Variants in ABR observed in about 807,000 individuals in gnomAD.
ABR encodes the protein ABR activator of RhoGEF and GTPase.
A neutral mutation model predicts 107.2 loss-of-function variants in ABR; 35 were observed. The ratio of observed to expected loss-of-function variants is 0.33; its 90% CI spans 0.25 to 0.43. ABR has a LOEUF of 0.43. Ranked by LOEUF, ABR falls within the 20% of genes least tolerant of loss-of-function variation. ABR has a pLI of 1.00. For synonymous variants in ABR, 498 were observed against 462.0 expected (o/e 1.08, Z -1.00); for missense variants, 815 against 1,115.2 (o/e 0.73, Z 3.83).
At position 1,203,339 on chromosome 17, in the gene ABR, GCGGGGAGGAGC is replaced by G; in HGVS notation, c.838+25443_838+25453del. Among the ~76,000 whole-genome samples, 3 of 147,674 alleles carry G rather than the reference GCGGGGAGGAGC, an allele frequency of 2.0e-5. 1 individual carries two copies. The South Asian group carries it at 6.6e-4, about 32-fold the overall frequency. On this transcript the variant is annotated intron_variant, in intron 1 of 22. Transcript: ENST00000574139. ...GCGGAGTCCATGGGGGGCGGGGTCCGCGGGGAGGAGCCTGCGGGGCGGTCCCCCGTGGGGGC... is the reference window on the plus strand; with the variant it reads ...GCGGAGTCCATGGGGGGCGGGGTCCGCTGCGGGGCGGTCCCCCGTGGGGGC...
chr17:1,050,639 G>A lies in ABR; in HGVS notation c.1562-5C>T, dbSNP rs767092817. 1.2e-6 allele frequency: 2 copies of A among 1,612,584 alleles called. No homozygotes were observed. Among genetic ancestry groups the A allele is most frequent in the Non-Finnish European group, 1.7e-6 (2 of 1,178,866 alleles). On this transcript the variant is annotated splice_polypyrimidine_tract_variant and splice_region_variant and intron_variant, in intron 14 of 22. Coordinates refer to ENST00000302538, the MANE Select transcript of ABR (RefSeq NM_021962.5). This position sits in a 1 kb window ranked among gnomAD's most constrained non-coding sequence, Gnocchi z 4.6. ...CCTCCAGGGTACAGTACAGGTCTGT[G>A]GGGGAAGGACAGACGGAGATACTGA...
At chr17:1,116,625 CGGGA>C (rs2038999280) in intron 2 of ABR, among the ~76,000 whole-genome samples, 1 of 152,158 alleles carries the variant, frequency 6.6e-6, no homozygotes, top group East Asian at 1.9e-4. Flanking sequence ...CCAGCGATGA[CGGGA>C]CCCAGGGTCA....
chr17:1,225,083 A>G (rs1304789983), intron 1 of ABR, among the ~76,000 whole-genome samples: 1 of 148,848 alleles, frequency 6.7e-6, no homozygotes, highest in African/African-American at 2.5e-5. Context: ...CAGGAGGCAG[A>G]GCTTGCAGGG....
chr17:1,161,335 G>A (rs1252379116), intron 1 of ABR, among the ~76,000 whole-genome samples: 1 of 151,738 alleles, frequency 6.6e-6, no homozygotes, highest in Non-Finnish European at 1.5e-5. Flanking sequence ...TCAAACTCCT[G>A]GGCTCACATG....
At chr17:1,072,903 G>T in intron 7 of ABR, 149 bp from the exon 8 acceptor site, 1 of 1,136,856 alleles carries the variant, frequency 8.8e-7, no homozygotes, top group Non-Finnish European at 1.2e-6. Flanking sequence ...GAGTCAGGCC[G>T]GGCACGGCGG....
In ABR at chr17:1,078,390, T is replaced by G. The variant is rs1180533771; in HGVS notation, c.700+940A>C. On this transcript the variant is annotated intron_variant, in intron 6 of 22. Coordinates refer to ENST00000302538, the MANE Select transcript of ABR (RefSeq NM_021962.5). The surrounding 1 kb of genome is among the most constrained non-coding windows in gnomAD (Gnocchi z 7.5). ...CTCCCTCTGGCTCGCGCTGGCACCC[T>G]CTCGGCTGGCAACGCCGCCGTCCGG... 1.3e-5 allele frequency among the ~76,000 whole-genome samples: 2 copies of G among 152,098 alleles called. No homozygotes were observed. The highest frequency in any genetic ancestry group is 2.9e-5 in the Non-Finnish European group (2 of 68,014).
intron 1 of ABR, among the ~76,000 whole-genome samples, chr17:1,152,859 C>A (rs1450751853): frequency 7.9e-5 from 12 of 151,302 alleles, no homozygotes; most frequent in Admixed American, 7.9e-4. Context: ...TTTGGGAGGC[C>A]AAGGTGGGTG....
intron 1 of ABR, among the ~76,000 whole-genome samples, chr17:1,168,210 C>T (rs62070487): frequency 0.2 from 31,007 of 152,038 alleles, 3,915 homozygotes; most frequent in Non-Finnish European, 0.29. Context: ...CACTGGAACC[C>T]GGGAGGTGGA....
At chr17:1,174,894 G>A (rs150791674) in intron 1 of ABR, among the ~76,000 whole-genome samples, 35 of 152,178 alleles carry the variant, frequency 2.3e-4, no homozygotes, top group African/African-American at 8.4e-4. Context: ...ACCTGCCTGG[G>A]GCACACGTAT....
chr17:1,202,898 T>TG (rs979626095), intron 1 of ABR, among the ~76,000 whole-genome samples: 19 of 151,022 alleles, frequency 1.3e-4, no homozygotes, highest in Non-Finnish European at 7.4e-5. Flanking sequence ...ACTTTTTTTT[T>TG]TTTTTTAAGA....
chr17:1,166,437 T>C (rs1039168983), intron 1 of ABR, among the ~76,000 whole-genome samples: 11 of 152,062 alleles, frequency 7.2e-5, no homozygotes, highest in Non-Finnish European at 1.3e-4. Flanking sequence ...CACCACACTA[T>C]GAATGGGCGA....
intron 10 of ABR, among the ~76,000 whole-genome samples, chr17:1,060,040 G>A (rs1447288798): frequency 2.0e-5 from 3 of 152,226 alleles, no homozygotes; most frequent in African/African-American, 4.8e-5. Flanking sequence ...TGCTAAGAGC[G>A]AAGAATCAGA....
In ABR at chr17:1,006,174, G is replaced by A; in HGVS notation, c.2491-5C>T. On this transcript the variant is annotated splice_region_variant and splice_polypyrimidine_tract_variant and intron_variant, in intron 22 of 22. Coordinates refer to ENST00000302538, the MANE Select transcript of ABR (RefSeq NM_021962.5). ...GTAGTAGAGGAGGACCTGGACCTGTGGGGAGACAGGAAGGCGGAGGCTGGG... is the reference window on the plus strand; with the variant it reads ...GTAGTAGAGGAGGACCTGGACCTGTAGGGAGACAGGAAGGCGGAGGCTGGG... 1 of 1,570,758 alleles carries A rather than the reference G, an allele frequency of 6.4e-7. No individual in the cohort carries two copies. The highest frequency in any genetic ancestry group is 1.2e-5 in the South Asian group (1 of 85,562).
At chr17:1,055,922 GC>G in intron 14 of ABR, 112 bp downstream of exon 14, 1 of 993,282 alleles carries the variant, frequency 1.0e-6, no homozygotes. Flanking sequence ...CTGGTTTCTG[GC>G]CTCCAGGGGA....
intron 10 of ABR, among the ~76,000 whole-genome samples, chr17:1,060,862 G>T (rs536336485): frequency 6.6e-6 from 1 of 152,070 alleles, no homozygotes; most frequent in African/African-American, 2.4e-5. Context: ...CGTGGTGGCG[G>T]ACGCCTTTAT....
chr17:1,050,151 A>G lies in ABR; in HGVS notation c.1690T>C (p.Ser564Pro), dbSNP rs1392343056. The change falls in exon 16 of 23, where the codon TCC (serine) becomes CCC (proline). Residue 564 changes from serine (S) to proline (P), a missense_variant. Physicochemically the swap from Ser to Pro is moderately conservative, Grantham distance 74 (BLOSUM62 -1). Transcript: ENST00000302538. This position sits in a 1 kb window ranked among gnomAD's most constrained non-coding sequence, Gnocchi z 4.6. Reference sequence around the variant, plus strand: ...TTCTCATAGCACAGGATCCTCAGGGACTGGGAGCCCTCCAGCTCGATCTCA... The same window carrying G: ...TTCTCATAGCACAGGATCCTCAGGGGCTGGGAGCCCTCCAGCTCGATCTCA... ...EFEIELEGSQ[S>P]LRILCYEKCY... 1 of 1,613,830 alleles carries G rather than the reference A, an allele frequency of 6.2e-7. No individual in the cohort carries two copies. Among genetic ancestry groups the G allele is most frequent in the Non-Finnish European group, 8.5e-7 (1 of 1,180,012 alleles).
At chr17:1,191,352 TTC>T (rs2042429001), upstream of ABR, among the ~76,000 whole-genome samples, 2 of 108,464 alleles carry the variant, frequency 1.8e-5, no homozygotes, top group South Asian at 6.8e-4. Context: ...CATTTTTCTT[TTC>T]TTTTTTTTTT....
chr17:1,013,490 G>A (rs1044774796), intron 16 of ABR, among the ~76,000 whole-genome samples: 4 of 152,124 alleles, frequency 2.6e-5, no homozygotes, highest in Admixed American at 1.3e-4. Context: ...AGGCACTCCT[G>A]GCTGCCAGCC....
At chr17:1,077,447 C>T (rs916882184) in intron 6 of ABR, among the ~76,000 whole-genome samples, 1 of 152,192 alleles carries the variant, frequency 6.6e-6, no homozygotes, top group East Asian at 1.9e-4. Flanking sequence ...ACCTGACCAA[C>T]TCCTAGGCCA....
Sources: allele counts gnomAD v4.1 joint callset (sites outside exome capture counted in the v4.1 genomes callset), GRCh38; gene constraint gnomAD v4.1.1; non-coding constraint Gnocchi (gnomAD v3.1); transcripts MANE v1.5; gene names NCBI Gene and HGNC (gene_info 2026-07-23, HGNC 2026-07-21).